The following RELCH variants were observed in gnomAD, a reference collection of about 807,000 sequenced individuals.
RELCH encodes the protein RAB11 binding and LisH domain, coiled-coil and HEAT repeat containing, also known as RAB11-binding protein RELCH.
A neutral mutation model predicts 150.3 loss-of-function variants in RELCH; 41 were observed. That is an observed-to-expected ratio of 0.27 (90% confidence interval 0.21 to 0.35). The LOEUF (loss-of-function observed/expected upper bound fraction) is 0.35. Among genes scored for constraint, RELCH ranks in the 10% least tolerant of loss-of-function variants. RELCH has a pLI of 1.00. For missense variants in RELCH, 1,092 were observed against 1,467.8 expected, an observed-to-expected ratio of 0.74 and a Z score of 4.18; for synonymous variants, 478 against 531.8, an observed-to-expected ratio of 0.90 and a Z score of 1.39.
chr18:62,276,418 A>C (rs2044211259), intron 22 of RELCH, among the ~76,000 whole-genome samples: 1 of 152,156 alleles, frequency 6.6e-6, no homozygotes, highest in African/African-American at 2.4e-5. Context: ...TCTGGAACAT[A>C]ATAAGTGCTT....
intron 10 of RELCH, chr18:62,234,892 C>T (rs1401212692): frequency 4.0e-5 from 6 of 151,790 alleles, no homozygotes; most frequent in Non-Finnish European, 8.8e-5. Context: ...TTTCTTTTTA[C>T]ACTCTTGACC....
chr18:62,259,648 G>A (rs142300470), intron 15 of RELCH, among the ~76,000 whole-genome samples: 1 of 151,978 alleles, frequency 6.6e-6, no homozygotes, highest in African/African-American at 2.4e-5. Flanking sequence ...GAAAATTCAT[G>A]TGGAACCACA....
At chr18:62,250,426 G>T (rs531600984) in intron 11 of RELCH, among the ~76,000 whole-genome samples, 110 of 152,274 alleles carry the variant, frequency 7.2e-4, no homozygotes, top group African/African-American at 2.5e-3. Flanking sequence ...ATACACTAAT[G>T]AGGGCAAAAA....
In RELCH at chr18:62,232,174, GC is replaced by G. The variant is rs572462224; in HGVS notation, c.1525-157del. 2.1e-3 allele frequency among the ~76,000 whole-genome samples: 309 copies of G among 150,462 alleles called. 4 individuals are homozygous for G. Among genetic ancestry groups the G allele is most frequent in the African/African-American group, 7.3e-3 (299 of 40,682 alleles). On this transcript the variant is annotated intron_variant, in intron 9 of 28. Coordinates refer to ENST00000644646, the MANE Select transcript of RELCH (RefSeq NM_001346231.2). ...CACTGTTGCTGTTGTTGCTGCTGCT[GC>G]TGCTGTTGTTGTTGTTGTTGTTGTT...
At chr18:62,269,419 G>A (rs1269553846) in intron 20 of RELCH, 1 of 429,964 alleles carries the variant, frequency 2.3e-6, no homozygotes, top group South Asian at 1.7e-5. Flanking sequence ...AGATAAAGGA[G>A]TATTTGCATA....
intron 21 of RELCH, among the ~76,000 whole-genome samples, chr18:62,275,125 C>G (rs111998191): frequency 0.16 from 24,757 of 152,104 alleles, 2,700 homozygotes; most frequent in Middle Eastern, 0.28. Flanking sequence ...CCATGTTGGC[C>G]AGGATGGTCT....
chr18:62,230,459 T>G (rs1259029674), intron 8 of RELCH, among the ~76,000 whole-genome samples: 1 of 152,132 alleles, frequency 6.6e-6, no homozygotes, highest in African/African-American at 2.4e-5. Flanking sequence ...TTTTGTGGTG[T>G]ATACTAAATA....
At chr18:62,303,196 A>G (rs1477477223) in intron 28 of RELCH, among the ~76,000 whole-genome samples, 1 of 151,980 alleles carries the variant, frequency 6.6e-6, no homozygotes, top group Non-Finnish European at 1.5e-5. Context: ...GCTTTGTAGT[A>G]TAGACCTGGG....
At chr18:62,198,262 CCT>C (rs1297085819) in intron 1 of RELCH, among the ~76,000 whole-genome samples, 8 of 152,308 alleles carry the variant, frequency 5.3e-5, no homozygotes, top group African/African-American at 1.9e-4. Context: ...ATCAACTGTT[CCT>C]CTCTGTGAAA....
At chr18:62,269,012 G>A (rs1450029338) in intron 20 of RELCH, 64 bp downstream of exon 20, 2 of 755,172 alleles carry the variant, frequency 2.6e-6, no homozygotes, top group Non-Finnish European at 4.3e-6. Flanking sequence ...CTAGTATTGT[G>A]TCTTCTTAAT....
intron 26 of RELCH, among the ~76,000 whole-genome samples, chr18:62,290,392 G>A (rs111394684): frequency 6.6e-6 from 1 of 152,182 alleles, no homozygotes; most frequent in Admixed American, 6.5e-5. Context: ...TTAGCTGGAT[G>A]TGGTGCCGTG....
At position 62,228,507 on chromosome 18, in the gene RELCH, T is replaced by C; in HGVS notation, c.1357T>C (p.Ser453Pro). ...TGATTCCACTATTCCTAAAGAGAAT[T>C]CCCCAAATTCATTCCCCAGGAGAGA... is the stretch of plus-strand genomic sequence containing the variant. ...EADSTIPKENSPNSFPRRERE... is the reference protein window; with the variant it reads ...EADSTIPKENPPNSFPRRERE... The change falls in exon 8 of 29, where the codon TCC becomes CCC. Residue 453 changes from serine (S) to proline (P), a missense_variant. Coordinates refer to ENST00000644646, the MANE Select transcript of RELCH (RefSeq NM_001346231.2). The C allele has an allele frequency of 6.2e-7, 1 of 1,613,144 alleles. No individual in the cohort carries two copies. The highest frequency in any genetic ancestry group is 8.5e-7 in the Non-Finnish European group (1 of 1,179,526).
intron 1 of RELCH, among the ~76,000 whole-genome samples, chr18:62,203,073 T>C (rs1460337487): frequency 6.6e-6 from 1 of 152,148 alleles, no homozygotes; most frequent in Non-Finnish European, 1.5e-5. Flanking sequence ...TCAACTAATA[T>C]ATCAGGAATA....
At chr18:62,204,302 A>T (rs1253101052) in intron 1 of RELCH, among the ~76,000 whole-genome samples, 2 of 152,144 alleles carry the variant, frequency 1.3e-5, no homozygotes, top group African/African-American at 4.8e-5. Context: ...TAGGTATTGC[A>T]TAGTAATCCA....
At chr18:62,214,434 A>G (rs1052034592) in intron 2 of RELCH, among the ~76,000 whole-genome samples, 11 of 152,202 alleles carry the variant, frequency 7.2e-5, no homozygotes, top group Admixed American at 7.2e-4. Flanking sequence ...AAACCTCATT[A>G]ACTCCTCATG....
intron 13 of RELCH, among the ~76,000 whole-genome samples, chr18:62,255,759 A>G (rs1442015191): frequency 6.6e-6 from 1 of 152,038 alleles, no homozygotes; most frequent in Non-Finnish European, 1.5e-5. Context: ...ATCCTTCCAA[A>G]AAGGTCCATG....
intron 15 of RELCH, among the ~76,000 whole-genome samples, chr18:62,260,379 A>AC (rs1326728922): frequency 1.3e-5 from 2 of 151,198 alleles, no homozygotes; most frequent in Admixed American, 1.3e-4. Context: ...AAAAGACAAA[A>AC]AAAAAAAAAA....
intron 20 of RELCH, among the ~76,000 whole-genome samples, chr18:62,270,386 C>T (rs2043827252): frequency 6.6e-6 from 1 of 152,156 alleles, no homozygotes; most frequent in South Asian, 2.1e-4. Context: ...GGCTGCCACA[C>T]TCTACTTAAC....
intron 7 of RELCH, among the ~76,000 whole-genome samples, chr18:62,227,920 G>C (rs1248849334): frequency 6.6e-6 from 1 of 151,824 alleles, no homozygotes; most frequent in Non-Finnish European, 1.5e-5. Context: ...ATTATGTCTT[G>C]GAACTAAGAA....
Sources: allele counts gnomAD v4.1 joint callset (sites outside exome capture counted in the v4.1 genomes callset), GRCh38; gene constraint gnomAD v4.1.1; transcripts MANE v1.5; gene names NCBI Gene and HGNC (gene_info 2026-07-23, HGNC 2026-07-21).